Variants in RFX4 observed in about 807,000 individuals in gnomAD.
RFX4 encodes regulatory factor X4.
Under a neutral mutation model 95.0 loss-of-function variants are expected in RFX4, and 10 were observed. The ratio of observed to expected loss-of-function variants is 0.11; its 90% CI spans 0.06 to 0.18. RFX4 has a LOEUF of 0.18. Among genes scored for constraint, RFX4 ranks in the 10% least tolerant of loss-of-function variants. The pLI, the probability that RFX4 is intolerant of heterozygous loss-of-function variation, is 1.00. For synonymous variants in RFX4, 321 were observed against 340.7 expected, an observed-to-expected ratio of 0.94 and a Z score of 0.64; for missense variants, 640 against 922.0, an observed-to-expected ratio of 0.69 and a Z score of 3.96.
intron 5 of RFX4, 104 bp from the exon 6 acceptor site, chr12:106,686,780 T>G: frequency 9.2e-7 from 1 of 1,088,540 alleles, no homozygotes; most frequent in South Asian, 1.5e-5. Flanking sequence ...TTCCTTGGCC[T>G]TGGGCAACAC....
At chr12:106,648,951 C>A (rs1046726234) in intron 3 of RFX4, among the ~76,000 whole-genome samples, 5 of 152,086 alleles carry the variant, frequency 3.3e-5, no homozygotes, top group African/African-American at 9.7e-5. Flanking sequence ...AGGAAGTCTT[C>A]TTAAAAATAT....
intron 1 of RFX4, chr12:106,601,050 A>C: frequency 8.9e-7 from 1 of 1,120,550 alleles, no homozygotes; most frequent in Non-Finnish European, 1.2e-6. Context: ...CTAAATCAAT[A>C]TTTGGTAAAT....
chr12:106,747,305 G>A, intron 15 of RFX4, 132 bp from the exon 16 acceptor site: 1 of 922,248 alleles, frequency 1.1e-6, no homozygotes, highest in Non-Finnish European at 1.6e-6. Context: ...GGTGAGCTCA[G>A]CAGAGTCAGA....
At chr12:106,722,603 CA>C (rs1306131444) in intron 13 of RFX4, among the ~76,000 whole-genome samples, 1 of 151,682 alleles carries the variant, frequency 6.6e-6, no homozygotes, top group Non-Finnish European at 1.5e-5. Flanking sequence ...AGGCAAATGG[CA>C]AAAAAAGATG....
chr12:106,667,146 C>T (rs2041193649), intron 4 of RFX4, among the ~76,000 whole-genome samples: 2 of 151,980 alleles, frequency 1.3e-5, no homozygotes, highest in South Asian at 4.2e-4. Flanking sequence ...TTTTTCCCTC[C>T]CCTCTTAGAT....
intron 4 of RFX4, among the ~76,000 whole-genome samples, chr12:106,674,488 G>A (rs898697406): frequency 2.0e-5 from 3 of 151,774 alleles, no homozygotes; most frequent in Non-Finnish European, 4.4e-5. Flanking sequence ...GCACCACCAC[G>A]CCAAACTAAT....
intron 16 of RFX4, among the ~76,000 whole-genome samples, chr12:106,748,273 C>A (rs1223663003): frequency 6.6e-6 from 1 of 152,148 alleles, no homozygotes; most frequent in Non-Finnish European, 1.5e-5. Context: ...TTCAGCAGTT[C>A]CCCTGGGTGG....
intron 13 of RFX4, among the ~76,000 whole-genome samples, chr12:106,721,202 C>T (rs1343018896): frequency 3.3e-5 from 5 of 152,232 alleles, no homozygotes; most frequent in Admixed American, 6.5e-5. Context: ...CATAGAATCC[C>T]GTATTTGTGC....
intron 1 of RFX4, among the ~76,000 whole-genome samples, chr12:106,588,724 T>A (rs1371095673): frequency 1.3e-5 from 2 of 152,250 alleles, no homozygotes; most frequent in African/African-American, 4.8e-5. Context: ...CTCAATTATA[T>A]GCCTGTGTCC....
At chr12:106,645,978 C>T in intron 3 of RFX4, 1 of 1,283,472 alleles carries the variant, frequency 7.8e-7, no homozygotes, top group South Asian at 1.2e-5. Flanking sequence ...GCAGAAATTT[C>T]TCAGGGAATG....
chr12:106,591,751 A>C (rs1285501032), intron 1 of RFX4, among the ~76,000 whole-genome samples: 1 of 152,238 alleles, frequency 6.6e-6, no homozygotes, highest in African/African-American at 2.4e-5. Context: ...TGCAACAGGA[A>C]GAATAATAGA....
At position 106,654,290 on chromosome 12, in the gene RFX4, A is replaced by G. The variant is rs1344857675; in HGVS notation, c.254A>G (p.His85Arg). The G allele has an allele frequency of 1.2e-6, 2 of 1,614,034 alleles. No individual in the cohort carries two copies. Among genetic ancestry groups the G allele is most frequent in the Non-Finnish European group, 1.7e-6 (2 of 1,179,950 alleles). The stretch of plus-strand genomic sequence containing the variant: ...ATCCCTCGCAGTGCCCTCTATATGC[A>G]TTACCTGGATTTCTGCGAGAAGAAT... The part of the protein sequence containing the change: ...VCIPRSALYM[H>R]YLDFCEKNDT... Residue 85 changes from histidine to arginine, a missense_variant, in exon 4 of 18, where the codon CAT becomes CGT. Coordinates refer to ENST00000392842, the MANE Select transcript of RFX4 (RefSeq NM_213594.3).
intron 2 of RFX4, among the ~76,000 whole-genome samples, chr12:106,611,685 A>G (rs2137211703): frequency 6.6e-6 from 1 of 151,526 alleles, no homozygotes; most frequent in Non-Finnish European, 1.5e-5. Context: ...TAATTTTTGT[A>G]TTTTTTTAGT....
chr12:106,728,030 A>G (rs1042509080), intron 13 of RFX4, among the ~76,000 whole-genome samples: 1 of 152,230 alleles, frequency 6.6e-6, no homozygotes, highest in Non-Finnish European at 1.5e-5. Context: ...ACTAAAATGT[A>G]CCTAGAAATA....
intron 1 of RFX4, among the ~76,000 whole-genome samples, chr12:106,601,965 T>C (rs985275094): frequency 6.6e-6 from 1 of 152,186 alleles, no homozygotes; most frequent in Non-Finnish European, 1.5e-5. Context: ...GCAGCCAGGC[T>C]TTCCTCTCCA....
chr12:106,634,422 C>G (rs150141954), intron 2 of RFX4, among the ~76,000 whole-genome samples: 1 of 152,174 alleles, frequency 6.6e-6, no homozygotes, highest in East Asian at 1.9e-4. Flanking sequence ...CCTTTCCCCG[C>G]AGATGGCTGC....
chr12:106,684,571 G>A (rs1292512027), intron 5 of RFX4: 4 of 652,648 alleles, frequency 6.1e-6, no homozygotes, highest in African/African-American at 1.8e-5. Context: ...AAGTGGTCTG[G>A]TCTGAACATA....
intron 14 of RFX4, among the ~76,000 whole-genome samples, chr12:106,732,607 C>T (rs545389552): frequency 2.6e-5 from 4 of 151,990 alleles, no homozygotes; most frequent in East Asian, 3.9e-4. Context: ...GGCTGAGGCA[C>T]GAGAATCACT....
At chr12:106,647,349 G>A (rs1477053765) in intron 3 of RFX4, among the ~76,000 whole-genome samples, 3 of 152,044 alleles carry the variant, frequency 2.0e-5, no homozygotes, top group African/African-American at 7.2e-5. Context: ...TTACTTCCTT[G>A]GCCCTCCATT....
Sources: gnomAD v4.1 joint callset for allele counts (sites outside exome capture counted in the v4.1 genomes callset) on GRCh38, gnomAD v4.1.1 for gene constraint, MANE v1.5 for transcripts, NCBI Gene and HGNC (gene_info 2026-07-23, HGNC 2026-07-21) for gene names.